Variants in ZBTB20 observed in about 807,000 individuals in gnomAD.
The protein encoded by ZBTB20 is zinc finger and BTB domain containing 20, also known as zinc finger and BTB domain-containing protein 20.
A neutral mutation model predicts 56.9 loss-of-function variants in ZBTB20; 9 were observed. The ratio of observed to expected loss-of-function variants is 0.16; its 90% CI spans 0.10 to 0.28. The LOEUF (loss-of-function observed/expected upper bound fraction) is 0.28. Ranked by LOEUF, ZBTB20 falls within the 10% of genes least tolerant of loss-of-function variation. The pLI, the probability that ZBTB20 is intolerant of heterozygous loss-of-function variation, is 1.00. For synonymous variants in ZBTB20, 417 were observed against 420.7 expected (o/e 0.99, Z 0.11); for missense variants, 655 against 1,003.0 (o/e 0.65, Z 4.69).
At chr3:114,388,382 C>T (rs2085413000) in intron 8 of ZBTB20, 1 of 152,150 alleles carries the variant, frequency 6.6e-6, no homozygotes, top group African/African-American at 2.4e-5. Context: ...TATTTCTGTA[C>T]TTTTCCTTGC....
intron 7 of ZBTB20, among the ~76,000 whole-genome samples, chr3:114,474,166 A>G (rs2040468939): frequency 6.6e-6 from 1 of 152,186 alleles, no homozygotes; most frequent in Admixed American, 6.5e-5. Context: ...TCTCTCCCAC[A>G]TGTGGGAATT....
intron 2 of ZBTB20, among the ~76,000 whole-genome samples, chr3:115,068,930 A>C (rs933524511): frequency 1.3e-5 from 2 of 151,868 alleles, no homozygotes; most frequent in African/African-American, 4.8e-5. Flanking sequence ...TTATGCCTCC[A>C]GCACTGAATC....
rs375637873 is a variant in ZBTB20 at position 114,998,147 on chromosome 3, G to A, written c.-506-23731C>T. On this transcript the variant is annotated intron_variant, in intron 2 of 11. Coordinates refer to ENST00000675478, the MANE Select transcript of ZBTB20 (RefSeq NM_001348800.3). The stretch of plus-strand genomic sequence containing the variant: ...TAGTATAGATAGGTCAAATTTACCC[G>A]TTACCCAGCTTTCCACATTGGTACC... Among the ~76,000 whole-genome samples the A allele has an allele frequency of 2.2e-4, 33 of 151,696 alleles. No homozygotes were observed. The East Asian group carries it at 5.1e-3, about 23-fold the overall frequency.
At chr3:114,517,818 C>T (rs1004699882) in intron 6 of ZBTB20, among the ~76,000 whole-genome samples, 1 of 152,074 alleles carries the variant, frequency 6.6e-6, no homozygotes, top group African/African-American at 2.4e-5. Flanking sequence ...TCATGATCCA[C>T]CCGCCTCGGC....
At chr3:114,593,504 C>A (rs926210829) in intron 6 of ZBTB20, among the ~76,000 whole-genome samples, 1 of 151,620 alleles carries the variant, frequency 6.6e-6, no homozygotes, top group Non-Finnish European at 1.5e-5. Context: ...CTTGCCTCAG[C>A]CTCCTGAGTA....
intron 3 of ZBTB20, among the ~76,000 whole-genome samples, chr3:114,948,871 C>T (rs1295355502): frequency 6.9e-6 from 1 of 145,574 alleles, no homozygotes. Context: ...TATCAGTATT[C>T]CCAAAATACC....
At chr3:114,986,336 CTACAATTA>C (rs1296917812) in intron 2 of ZBTB20, among the ~76,000 whole-genome samples, 1 of 152,032 alleles carries the variant, frequency 6.6e-6, no homozygotes, top group Non-Finnish European at 1.5e-5. Context: ...TATCGTAATT[CTACAATTA>C]TTTTTGAAAA....
Position 114,362,449 on chromosome 3 carries a change from C to A in ZBTB20, c.200-10571G>T, listed in dbSNP as rs143844252. On this transcript the variant is annotated intron_variant, in intron 10 of 11. Transcript: ENST00000675478. Reference sequence around the variant, plus strand: ...GCTACACTTCACAAACAAGTGGGAACCTCAGGGCGCACATTTACTCTGAGA... The same window carrying A: ...GCTACACTTCACAAACAAGTGGGAAACTCAGGGCGCACATTTACTCTGAGA... 5.3e-5 allele frequency among the ~76,000 whole-genome samples: 8 copies of A among 152,304 alleles called. No individual in the cohort carries two copies. In the East Asian group the frequency reaches 1.5e-3, roughly 29 times the overall value.
chr3:114,632,962 T>C lies in ZBTB20; in HGVS notation c.-295+60566A>G, dbSNP rs918655726. ...CAACTGTGCAGGCCAAACATTTTCCTAGGCTTTTAGATGCAAATTTTTTGA... is the reference window on the plus strand; with the variant it reads ...CAACTGTGCAGGCCAAACATTTTCCCAGGCTTTTAGATGCAAATTTTTTGA... On this transcript the variant is annotated intron_variant, in intron 6 of 11. Transcript: ENST00000675478. Among the ~76,000 whole-genome samples, 25 of 152,210 alleles carry C rather than the reference T, an allele frequency of 1.6e-4. 1 individual carries two copies. Among genetic ancestry groups the C allele is most frequent in the Admixed American group, 5.2e-4 (8 of 15,276 alleles).
At position 114,333,982 on chromosome 3, in the gene ZBTB20, A is replaced by C. The variant is rs1412886876; in HGVS notation, c.*5023T>G. On this transcript the variant is annotated 3_prime_UTR_variant, in exon 12 of 12. Coordinates refer to ENST00000675478, the MANE Select transcript of ZBTB20 (RefSeq NM_001348800.3). ...AGAATTCTTTTAGAAGATTTCTTTT[A>C]AGAGTCAGGTCACAACAGAAAGGGC... 1 of 152,200 alleles carries C rather than the reference A, an allele frequency of 6.6e-6. No individual in the cohort carries two copies. Among genetic ancestry groups the C allele is most frequent in the Non-Finnish European group, 1.5e-5 (1 of 68,040 alleles). 9.4% of individuals were successfully genotyped at this position (152,200 alleles called of 1,614,324 possible). A position where few individuals can be genotyped will look rare whatever the true frequency, so the allele number is the denominator to read the frequency against.
At chr3:115,036,889 G>C (rs1054204612) in intron 2 of ZBTB20, among the ~76,000 whole-genome samples, 1 of 152,086 alleles carries the variant, frequency 6.6e-6, no homozygotes, top group South Asian at 2.1e-4. Context: ...GAATGTCCAC[G>C]AAGTAAACCA....
chr3:114,635,409 C>A (rs1027993293), intron 6 of ZBTB20, among the ~76,000 whole-genome samples: 1 of 152,090 alleles, frequency 6.6e-6, no homozygotes, highest in Non-Finnish European at 1.5e-5. Context: ...CAAAGAAAAT[C>A]TACAAGGAAC....
At chr3:114,895,169 G>A (rs1052030149) in intron 4 of ZBTB20, among the ~76,000 whole-genome samples, 1 of 152,028 alleles carries the variant, frequency 6.6e-6, no homozygotes, top group African/African-American at 2.4e-5. Flanking sequence ...TGCATAGAAG[G>A]AAATCAGAAA....
At chr3:114,352,038 T>C (rs1217915424) in intron 10 of ZBTB20, 160 bp from the exon 11 acceptor site, 1 of 919,060 alleles carries the variant, frequency 1.1e-6, no homozygotes, top group Non-Finnish European at 1.6e-6. Flanking sequence ...ATACAAGCTG[T>C]AGGTACGATG....
chr3:114,591,443 T>C (rs1170733229), intron 6 of ZBTB20, among the ~76,000 whole-genome samples: 1 of 152,136 alleles, frequency 6.6e-6, no homozygotes, highest in Non-Finnish European at 1.5e-5. Context: ...TACCAAACCA[T>C]CACGGATAAT....
At chr3:115,112,435 C>A (rs1263967668) in intron 1 of ZBTB20, among the ~76,000 whole-genome samples, 1 of 152,060 alleles carries the variant, frequency 6.6e-6, no homozygotes. Flanking sequence ...TACCCATTAA[C>A]CAACCTCTCT....
rs955594728 is a variant in ZBTB20 at position 114,326,269 on chromosome 3, G to A, written c.*12736C>T. 3.3e-5 allele frequency: 5 copies of A among 152,054 alleles called. No individual in the cohort carries two copies. Among genetic ancestry groups the A allele is most frequent in the African/African-American group, 1.2e-4 (5 of 41,398 alleles). 9.4% of individuals were successfully genotyped at this position (152,054 alleles called of 1,614,324 possible). A position where few individuals can be genotyped will look rare whatever the true frequency, so the allele number is the denominator to read the frequency against. ...CTTATTCCAAAAAGGATTTGAGGAG[G>A]CAATAAGGATTTGTAGTACAAAATG... On this transcript the variant is annotated 3_prime_UTR_variant, in exon 12 of 12. Transcript: ENST00000675478.
chr3:114,742,228 G>C (rs2066653668), intron 5 of ZBTB20, among the ~76,000 whole-genome samples: 1 of 152,090 alleles, frequency 6.6e-6, no homozygotes, highest in Admixed American at 6.5e-5. Context: ...GGGCAGAGAA[G>C]TATTTATTGG....
intron 2 of ZBTB20, among the ~76,000 whole-genome samples, chr3:115,005,443 T>C (rs1397480991): frequency 6.6e-6 from 1 of 151,760 alleles, no homozygotes. Flanking sequence ...TCTGACTAGA[T>C]GTTTAGTTGC....
Sources: gnomAD v4.1 joint callset for allele counts (sites outside exome capture counted in the v4.1 genomes callset) on GRCh38, gnomAD v4.1.1 for gene constraint, MANE v1.5 for transcripts, NCBI Gene and HGNC (gene_info 2026-07-23, HGNC 2026-07-21) for gene names.